The following NR4A3 variants were observed in gnomAD, a reference collection of about 807,000 sequenced individuals.
NR4A3 encodes the protein nuclear receptor subfamily 4 group A member 3.
NR4A3 carries 13 observed loss-of-function variants against 55.6 expected under a neutral mutation model. The ratio of observed to expected loss-of-function variants is 0.23; its 90% CI spans 0.15 to 0.37. The LOEUF is 0.37. Ranked by LOEUF, NR4A3 falls within the 10% of genes least tolerant of loss-of-function variation. The probability of loss-of-function intolerance (pLI) is 1.00; values close to 1 mark genes in which losing one functional copy is unlikely to be tolerated. For synonymous variants in NR4A3, 342 were observed against 357.9 expected, an observed-to-expected ratio of 0.96 and a Z score of 0.50; for missense variants, 646 against 822.8, an observed-to-expected ratio of 0.79 and a Z score of 2.63.
chr9:99,833,389 T>G lies in NR4A3; in HGVS notation c.1189T>G (p.Cys397Gly), dbSNP rs1827486760. 6.2e-7 allele frequency: 1 copy of G among 1,614,014 alleles called. No individual in the cohort carries two copies. ...GCCCTCTCCACCTTCTCCTCCAATC[T>G]GCATGATGAATGCCCTTGTCCGAGC... ...SQPSPPSPPI[C>G]MMNALVRALT... Residue 397 changes from cysteine to glycine, a missense_variant, in exon 5 of 8, where the codon TGC becomes GGC. Transcript: ENST00000395097.
Position 99,828,912 on chromosome 9 carries a change from C to T in NR4A3, c.870C>T (p.Gly290=). ...PPSRSSSSGE[G]TCAVCGDNAA... The stretch of plus-strand genomic sequence containing the variant: ...GCAGGAGCTCGTCGTCTGGCGAGGG[C>T]ACGTGTGCCGTGTGCGGGGACAACG... The change falls in exon 3 of 8, where the codon GGC becomes GGT. Residue 290 remains glycine, a synonymous_variant. Coordinates refer to ENST00000395097, the MANE Select transcript of NR4A3 (RefSeq NM_006981.4). This position sits in a 1 kb window ranked among gnomAD's most constrained non-coding sequence, Gnocchi z 7.7. The T allele has an allele frequency of 6.7e-7, 1 of 1,493,192 alleles. No homozygotes were observed. The allele number at this position is 1,493,192 out of a possible 1,614,324, so 92.5% of individuals were successfully genotyped here. A position where few individuals can be genotyped will look rare whatever the true frequency, so the allele number is the denominator to read the frequency against.
intron 1 of NR4A3, among the ~76,000 whole-genome samples, chr9:99,824,176 G>A (rs1367970500): frequency 6.6e-6 from 1 of 152,210 alleles, no homozygotes; most frequent in Non-Finnish European, 1.5e-5. Context: ...GTGGGGTGGA[G>A]AGAGCGGCGG....
At chr9:99,833,989 T>A in intron 5 of NR4A3, 1 of 1,128,408 alleles carries the variant, frequency 8.9e-7, no homozygotes, top group Non-Finnish European at 1.1e-6. Flanking sequence ...ACTTCCTGCC[T>A]GTGTCACCTG....
chr9:99,844,226 G>T (rs1165224763), intron 5 of NR4A3, among the ~76,000 whole-genome samples: 1 of 152,150 alleles, frequency 6.6e-6, no homozygotes, highest in East Asian at 1.9e-4. Flanking sequence ...AACTCCTGGG[G>T]CAGTAGTTCT....
intron 6 of NR4A3, among the ~76,000 whole-genome samples, chr9:99,846,054 T>C (rs568795728): frequency 2.0e-5 from 3 of 152,336 alleles, no homozygotes; most frequent in African/African-American, 7.2e-5. Flanking sequence ...AGTGCCTGGC[T>C]CCAGGAATAA....
chr9:99,849,162 G>C (rs970449157), intron 7 of NR4A3, among the ~76,000 whole-genome samples: 2 of 152,204 alleles, frequency 1.3e-5, no homozygotes, highest in African/African-American at 4.8e-5. Context: ...GCATTTCTTG[G>C]GATATCTCCT....
chr9:99,847,406 GTT>G lies in NR4A3; in HGVS notation c.1455-29_1455-28del, dbSNP rs1279522963. 3 of 1,605,912 alleles carry G rather than the reference GTT, an allele frequency of 1.9e-6. No homozygotes were observed. In the African/African-American group the frequency reaches 4.0e-5, roughly 21 times the overall value. ...CATGTTGGACAGATTGAACAGACCT[GTT>G]TAATGTTTGTCTTCCTCTCACCTCC... On this transcript the variant is annotated intron_variant, in intron 6 of 7. Coordinates refer to ENST00000395097, the MANE Select transcript of NR4A3 (RefSeq NM_006981.4).
chr9:99,828,110 G>A lies in NR4A3; in HGVS notation c.68G>A (p.Ser23Asn). The A allele has an allele frequency of 6.2e-7, 1 of 1,614,046 alleles. No homozygotes were observed. The highest frequency in any genetic ancestry group is 8.5e-7 in the Non-Finnish European group (1 of 1,180,012). Residue 23 changes from serine (S) to asparagine (N), a missense_variant, in exon 3 of 8, where the codon AGC becomes AAC. By Grantham distance (46) the Ser-to-Asn change is conservative (BLOSUM62 1). Transcript: ENST00000395097. The surrounding 1 kb of genome is among the most constrained non-coding windows in gnomAD (Gnocchi z 7.7). The part of the protein sequence containing the change: ...PGSSYAAQTY[S>N]SEYTTEIMNP... ...TCCAGTTATGCGGCGCAGACATACA[G>A]CTCGGAATACACCACGGAGATCATG...
chr9:99,845,238 A>G (rs912824551), intron 6 of NR4A3, among the ~76,000 whole-genome samples: 1 of 152,180 alleles, frequency 6.6e-6, no homozygotes, highest in Admixed American at 6.5e-5. Flanking sequence ...GCTTTGGAAC[A>G]TTGTATTTAC....
In NR4A3 at chr9:99,844,733, G is replaced by A; in HGVS notation, c.1339G>A (p.Val447Ile). Reference sequence around the variant, plus strand: ...CAACCTCCTGACAGCCTCCATTGATGTATCCAGAAGCTGGGCAGAAAAGAT... The same window carrying A: ...CAACCTCCTGACAGCCTCCATTGATATATCCAGAAGCTGGGCAGAAAAGAT... ...FYNLLTASID[V>I]SRSWAEKIPG... Residue 447 changes from valine to isoleucine, a missense_variant, in exon 6 of 8, where the codon GTA (valine) becomes ATA (isoleucine). This residue lies in a region of NR4A3 where 163 missense variants were observed against 233.0 expected (regional missense o/e 0.70). Coordinates refer to ENST00000395097, the MANE Select transcript of NR4A3 (RefSeq NM_006981.4). The A allele has an allele frequency of 1.9e-6, 3 of 1,614,156 alleles. No homozygotes were observed. Among genetic ancestry groups the A allele is most frequent in the Non-Finnish European group, 2.5e-6 (3 of 1,179,998 alleles).
chr9:99,834,504 A>C (rs1827515249), intron 5 of NR4A3, among the ~76,000 whole-genome samples: 1 of 152,184 alleles, frequency 6.6e-6, no homozygotes, highest in Non-Finnish European at 1.5e-5. Context: ...AACAAAAACA[A>C]AAACAAAAAA....
intron 5 of NR4A3, among the ~76,000 whole-genome samples, chr9:99,840,202 C>G (rs1827629123): frequency 6.6e-6 from 1 of 152,216 alleles, no homozygotes; most frequent in South Asian, 2.1e-4. Context: ...GCCTGGCAGG[C>G]TGGGCCGGCT....
Position 99,825,339 on chromosome 9 carries a change from G to C in NR4A3, c.-176-320G>C, listed in dbSNP as rs1344543107. Among the ~76,000 whole-genome samples, 1 of 151,980 alleles carries C rather than the reference G, an allele frequency of 6.6e-6. No homozygotes were observed. The highest frequency in any genetic ancestry group is 1.5e-5 in the Non-Finnish European group (1 of 67,986). On this transcript the variant is annotated intron_variant, in intron 1 of 7. Coordinates refer to ENST00000395097, the MANE Select transcript of NR4A3 (RefSeq NM_006981.4). This position sits in a 1 kb window ranked among gnomAD's most constrained non-coding sequence, Gnocchi z 5.0. ...ACTTCGTAAGCTCGGAATCAATTGT[G>C]GGGGCAGAGAGATCAATTTCTGGGC...
At chr9:99,844,138 T>C (rs1017169324) in intron 5 of NR4A3, among the ~76,000 whole-genome samples, 3 of 151,952 alleles carry the variant, frequency 2.0e-5, no homozygotes, top group South Asian at 2.1e-4. Flanking sequence ...TGAGAACCAC[T>C]GGGTTAATTT....
At chr9:99,846,197 G>T (rs775484034) in intron 6 of NR4A3, among the ~76,000 whole-genome samples, 6 of 152,172 alleles carry the variant, frequency 3.9e-5, no homozygotes, top group Non-Finnish European at 7.4e-5. Flanking sequence ...CAAGAGATTT[G>T]AAAGTTAAAG....
At position 99,847,975 on chromosome 9, in the gene NR4A3, G is replaced by T. The variant is rs558862288; in HGVS notation, c.1633+360G>T. 7.2e-5 allele frequency among the ~76,000 whole-genome samples: 11 copies of T among 152,288 alleles called. No homozygotes were observed. The East Asian group carries it at 1.9e-3, about 27-fold the overall frequency. Reference sequence around the variant, plus strand: ...GCTAGAGAGCAGTGGTGTGATCATGGCCTAGTGTAGCCTCGACCACCTGGA... The same window carrying T: ...GCTAGAGAGCAGTGGTGTGATCATGTCCTAGTGTAGCCTCGACCACCTGGA... On this transcript the variant is annotated intron_variant, in intron 7 of 7. Coordinates refer to ENST00000395097, the MANE Select transcript of NR4A3 (RefSeq NM_006981.4).
At position 99,844,665 on chromosome 9, in the gene NR4A3, A is replaced by G. The variant is rs1458593566; in HGVS notation, c.1271A>G (p.Gln424Arg). 3 of 1,614,212 alleles carry G rather than the reference A, an allele frequency of 1.9e-6. No individual in the cohort carries two copies. The highest frequency in any genetic ancestry group is 2.2e-5 in the South Asian group (2 of 91,086). The change falls in exon 6 of 8, where the codon CAG (glutamine) becomes CGG (arginine). Residue 424 changes from glutamine (Q) to arginine (R), a missense_variant. This residue lies in a region of NR4A3 where 163 missense variants were observed against 233.0 expected (regional missense o/e 0.70). Coordinates refer to ENST00000395097, the MANE Select transcript of NR4A3 (RefSeq NM_006981.4). ...LDYSRYCPTD[Q>R]AAAGTDAEHV... ...GCATTCTAGTACTGTCCCACTGACC[A>G]GGCTGCTGCAGGCACAGATGCTGAG...
rs559429461 is a variant in NR4A3 at position 99,826,229 on chromosome 9, G to A, written c.-3+397G>A. ...TATATAAAACCCAAATCATTTGGGT[G>A]CAGAAGTTTGGATGATTGAAGCTCA... On this transcript the variant is annotated intron_variant, in intron 2 of 7. Transcript: ENST00000395097. Among the ~76,000 whole-genome samples, 9 of 152,310 alleles carry A rather than the reference G, an allele frequency of 5.9e-5. No individual in the cohort carries two copies. The South Asian group carries it at 1.9e-3, about 32-fold the overall frequency.
intron 7 of NR4A3, among the ~76,000 whole-genome samples, chr9:99,859,007 T>G (rs1178462440): frequency 6.6e-6 from 1 of 152,194 alleles, no homozygotes. Context: ...CCCTTTCCAA[T>G]CTATATATAC....
Sources: gnomAD v4.1 joint callset for allele counts (sites outside exome capture counted in the v4.1 genomes callset) on GRCh38, gnomAD v4.1.1 for gene constraint, gnomAD v4.1.1 regional missense constraint, Gnocchi (gnomAD v3.1) non-coding constraint, MANE v1.5 for transcripts, NCBI Gene and HGNC (gene_info 2026-07-23, HGNC 2026-07-21) for gene names.